The following PPP1R9A variants were observed in gnomAD, a reference collection of about 807,000 sequenced individuals.
PPP1R9A encodes the protein neurabin-1.
PPP1R9A carries 59 observed loss-of-function variants against 141.9 expected under a neutral mutation model. The ratio of observed to expected loss-of-function variants is 0.42; its 90% CI spans 0.34 to 0.52. The LOEUF (loss-of-function observed/expected upper bound fraction) is 0.52. Ranked by LOEUF, PPP1R9A falls within the 20% of genes least tolerant of loss-of-function variation. The pLI, the probability that PPP1R9A is intolerant of heterozygous loss-of-function variation, is 0.10. For missense variants in PPP1R9A, 1,444 were observed against 1,611.9 expected (o/e 0.90, Z 1.78); for synonymous variants, 500 against 569.7 (o/e 0.88, Z 1.74).
At chr7:94,988,339 A>G (rs183877678) in intron 2 of PPP1R9A, among the ~76,000 whole-genome samples, 2 of 152,136 alleles carry the variant, frequency 1.3e-5, no homozygotes, top group African/African-American at 4.8e-5. Context: ...CTTATTTTAC[A>G]TATTTGTAAC....
At chr7:95,122,146 A>ATTTTTTTTTT (rs1273220292) in intron 4 of PPP1R9A, among the ~76,000 whole-genome samples, 1 of 133,906 alleles carries the variant, frequency 7.5e-6, no homozygotes, top group African/African-American at 2.8e-5. Flanking sequence ...CCAGAGCACC[A>ATTTTTTTTTT]TTTTTTTTTT....
chr7:95,043,561 A>T (rs6960273), intron 2 of PPP1R9A, among the ~76,000 whole-genome samples: 53,428 of 151,838 alleles, frequency 0.35, 10,347 homozygotes, highest in Non-Finnish European at 0.44. Flanking sequence ...AGGCACAGTG[A>T]CCTTGTTCTC....
At chr7:95,157,258 T>C (rs1021715153) in intron 4 of PPP1R9A, among the ~76,000 whole-genome samples, 2 of 151,006 alleles carry the variant, frequency 1.3e-5, no homozygotes, top group African/African-American at 2.4e-5. Context: ...GCTCCCCCTC[T>C]CCCCCCCCAG....
At position 95,138,765 on chromosome 7, in the gene PPP1R9A, A is replaced by G. The variant is rs1219080411; in HGVS notation, c.1649+17933A>G. Among the ~76,000 whole-genome samples, 6 of 152,240 alleles carry G rather than the reference A, an allele frequency of 3.9e-5. No individual in the cohort carries two copies. In the South Asian group the frequency reaches 1.0e-3, roughly 26 times the overall value. ...CCAATAGTATGTGAAAATATATTCA[A>G]TGTAATAGCAATGCAAATTAAACTT... On this transcript the variant is annotated intron_variant, in intron 4 of 19. Transcript: ENST00000433360.
At chr7:95,080,900 C>G (rs1021968480) in intron 2 of PPP1R9A, among the ~76,000 whole-genome samples, 1 of 152,096 alleles carries the variant, frequency 6.6e-6, no homozygotes, top group African/African-American at 2.4e-5. Context: ...AAAGAAATGT[C>G]CAGATGACTT....
At chr7:95,089,393 G>T (rs986249591) in intron 2 of PPP1R9A, among the ~76,000 whole-genome samples, 2 of 152,166 alleles carry the variant, frequency 1.3e-5, no homozygotes, top group East Asian at 1.9e-4. Context: ...ATACAAGGTA[G>T]ATATATCAAG....
At chr7:94,937,074 T>C (rs1683186530) in intron 2 of PPP1R9A, among the ~76,000 whole-genome samples, 1 of 152,190 alleles carries the variant, frequency 6.6e-6, no homozygotes, top group African/African-American at 2.4e-5. Flanking sequence ...TGCCCTAACT[T>C]ATTATTCATC....
intron 8 of PPP1R9A, among the ~76,000 whole-genome samples, chr7:95,230,137 C>T (rs1256279869): frequency 6.6e-6 from 1 of 152,210 alleles, no homozygotes; most frequent in Non-Finnish European, 1.5e-5. Context: ...CAAGGCAGCA[C>T]ACTGTGGGAC....
intron 14 of PPP1R9A, among the ~76,000 whole-genome samples, chr7:95,273,683 T>C (rs376571356): frequency 3.9e-5 from 6 of 152,174 alleles, no homozygotes; most frequent in African/African-American, 1.4e-4. Flanking sequence ...CTCTTTGTGA[T>C]GAATGTTGAG....
intron 2 of PPP1R9A, among the ~76,000 whole-genome samples, chr7:95,050,369 C>T (rs1810626465): frequency 6.6e-6 from 1 of 152,100 alleles, no homozygotes; most frequent in Non-Finnish European, 1.5e-5. Flanking sequence ...GATAATACTC[C>T]TTTATCTGAT....
At chr7:95,021,160 C>T (rs1158471518) in intron 2 of PPP1R9A, among the ~76,000 whole-genome samples, 3 of 152,118 alleles carry the variant, frequency 2.0e-5, no homozygotes, top group East Asian at 1.9e-4. Context: ...TTTTAATGAT[C>T]GCCATTCTAA....
At chr7:95,250,643 G>A (rs925757457) in intron 10 of PPP1R9A, among the ~76,000 whole-genome samples, 1 of 152,152 alleles carries the variant, frequency 6.6e-6, no homozygotes, top group African/African-American at 2.4e-5. Flanking sequence ...CACAGCTGGG[G>A]CCTGAATCAG....
intron 8 of PPP1R9A, among the ~76,000 whole-genome samples, chr7:95,238,693 C>T (rs929797485): frequency 1.3e-5 from 2 of 152,182 alleles, no homozygotes; most frequent in East Asian, 1.9e-4. Flanking sequence ...TGCACTGGCA[C>T]TTTCCCCCTC....
In PPP1R9A at chr7:94,910,108, G is replaced by A; in HGVS notation, c.-6G>A. 2 of 1,594,566 alleles carry A rather than the reference G, an allele frequency of 1.3e-6. No homozygotes were observed. Among genetic ancestry groups the A allele is most frequent in the Non-Finnish European group, 1.7e-6 (2 of 1,171,626 alleles). On this transcript the variant is annotated 5_prime_UTR_variant, in exon 2 of 20. It adds an upstream start codon to the 5' untranslated region. Transcript: ENST00000433360. The surrounding 1 kb of genome is among the most constrained non-coding windows in gnomAD (Gnocchi z 4.5). The stretch of plus-strand genomic sequence containing the variant: ...TGAACATTGGCTTTTCACCCCTGAA[G>A]TGAAAATGTTGAAAACTGAGTCTTC...
chr7:95,097,620 T>A (rs1441113137), intron 2 of PPP1R9A, among the ~76,000 whole-genome samples: 1 of 152,234 alleles, frequency 6.6e-6, no homozygotes, highest in Non-Finnish European at 1.5e-5. Flanking sequence ...CCAAAAGTTT[T>A]GAAGTACAAT....
Position 95,250,099 on chromosome 7 carries a change from A to T in PPP1R9A, c.2240A>T (p.Asn747Ile). Residue 747 changes from asparagine to isoleucine, a missense_variant, in exon 10 of 20, where the codon AAT becomes ATT. Physicochemically the swap from Asn to Ile is moderately radical, Grantham distance 149 (BLOSUM62 -3). Coordinates refer to ENST00000433360, the MANE Select transcript of PPP1R9A (RefSeq NM_001166160.2). ...KTQLQQNIEENKERMLKLESY... is the reference protein window; with the variant it reads ...KTQLQQNIEEIKERMLKLESY... ...CAACTCCAACAAAACATAGAAGAGA[A>T]TAAGGAAAGAATGTTGAAGTTGGAA... The T allele has an allele frequency of 6.2e-7, 1 of 1,613,764 alleles. No homozygotes were observed. Among genetic ancestry groups the T allele is most frequent in the Non-Finnish European group, 8.5e-7 (1 of 1,179,858 alleles).
At chr7:95,058,525 G>A (rs1485673802) in intron 2 of PPP1R9A, among the ~76,000 whole-genome samples, 2 of 152,146 alleles carry the variant, frequency 1.3e-5, no homozygotes, top group Non-Finnish European at 1.5e-5. Context: ...GGTTAAAGGA[G>A]AAAGGGTCTG....
chr7:95,249,941 T>A lies in PPP1R9A; in HGVS notation c.2167-85T>A, dbSNP rs1798643058. 3 of 1,454,176 alleles carry A rather than the reference T, an allele frequency of 2.1e-6. No individual in the cohort carries two copies. The South Asian group carries it at 4.5e-5, about 22-fold the overall frequency. The allele number at this position is 1,454,176 out of a possible 1,614,324, so 90.1% of individuals were successfully genotyped here. A position where few individuals can be genotyped will look rare whatever the true frequency, so the allele number is the denominator to read the frequency against. On this transcript the variant is annotated intron_variant, in intron 9 of 19. Coordinates refer to ENST00000433360, the MANE Select transcript of PPP1R9A (RefSeq NM_001166160.2). ...CAGTGATTGTTTATGATAATAGAAC[T>A]TGATCTACAACATGCTATAAAAATG...
At chr7:95,220,474 G>A (rs1273595876) in intron 7 of PPP1R9A, among the ~76,000 whole-genome samples, 3 of 152,040 alleles carry the variant, frequency 2.0e-5, no homozygotes, top group Admixed American at 2.0e-4. Context: ...CTAACAACAA[G>A]AGAAAATCCC....
Sources: allele counts gnomAD v4.1 joint callset (sites outside exome capture counted in the v4.1 genomes callset), GRCh38; gene constraint gnomAD v4.1.1; non-coding constraint Gnocchi (gnomAD v3.1); transcripts MANE v1.5; gene names NCBI Gene and HGNC (gene_info 2026-07-23, HGNC 2026-07-21).